Variants in KAT2B observed in about 807,000 individuals in gnomAD.
KAT2B encodes histone acetyltransferase KAT2B.
Under a neutral mutation model 105.9 loss-of-function variants are expected in KAT2B, and 36 were observed. The ratio of observed to expected loss-of-function variants is 0.34; its 90% CI spans 0.26 to 0.45. The LOEUF is 0.45. Among genes scored for constraint, KAT2B ranks in the 20% least tolerant of loss-of-function variants. The probability of loss-of-function intolerance (pLI) is 1.00; values close to 1 mark genes in which losing one functional copy is unlikely to be tolerated. For missense variants in KAT2B, 820 were observed against 1,021.6 expected, an observed-to-expected ratio of 0.80 and a Z score of 2.69; for synonymous variants, 397 against 377.9, an observed-to-expected ratio of 1.05 and a Z score of -0.59.
chr3:20,099,001 T>C (rs1417098295), intron 3 of KAT2B, among the ~76,000 whole-genome samples: 1 of 152,132 alleles, frequency 6.6e-6, no homozygotes, highest in Non-Finnish European at 1.5e-5. Context: ...AGATGTTACT[T>C]AAATAAATGT....
intron 13 of KAT2B, among the ~76,000 whole-genome samples, chr3:20,145,882 C>G (rs1699776672): frequency 6.6e-6 from 1 of 152,218 alleles, no homozygotes; most frequent in African/African-American, 2.4e-5. Context: ...GGCCCGTTTA[C>G]CTGCTTCTCT....
chr3:20,115,096 C>G (rs1272159286), intron 7 of KAT2B, 108 bp downstream of exon 7: 6 of 679,842 alleles, frequency 8.8e-6, no homozygotes, highest in Non-Finnish European at 1.6e-5. Flanking sequence ...ATGAGCTTAG[C>G]TCTATAGTCA....
At chr3:20,041,527 C>A (rs1263413422) in intron 1 of KAT2B, among the ~76,000 whole-genome samples, 3 of 152,238 alleles carry the variant, frequency 2.0e-5, no homozygotes, top group African/African-American at 7.2e-5. Context: ...TTGCTACCCA[C>A]TCTCCATGCC....
At chr3:20,040,808 G>A (rs1697700968) in intron 1 of KAT2B, 28 bp downstream of exon 1, 1 of 1,573,014 alleles carries the variant, frequency 6.4e-7, no homozygotes, top group Non-Finnish European at 8.6e-7. Context: ...TCGGACCGCG[G>A]ATGGGTGCTA....
At position 20,125,928 on chromosome 3, in the gene KAT2B, G is replaced by A. The variant is rs143548388; in HGVS notation, c.1437G>A (p.Ser479=). 18 of 1,613,686 alleles carry A rather than the reference G, an allele frequency of 1.1e-5. No individual in the cohort carries two copies. Among genetic ancestry groups the A allele is most frequent in the South Asian group, 7.7e-5 (7 of 91,060 alleles). The change falls in exon 10 of 18, where the codon TCG becomes TCA. Residue 479 remains serine (S), a synonymous_variant. Transcript: ENST00000263754. ...AGACCAATTTTCTGTCAGCACACTC[G>A]GCCAGGGATGAGGCGGCAAGGTTGG... is the stretch of plus-strand genomic sequence containing the variant. ...GPETNFLSAH[S]ARDEAARLEE...
chr3:20,116,383 A>G (rs1699207499), intron 7 of KAT2B, among the ~76,000 whole-genome samples: 1 of 152,124 alleles, frequency 6.6e-6, no homozygotes, highest in Admixed American at 6.6e-5. Flanking sequence ...CCAGACTTTC[A>G]TAGAGCCTTG....
rs538851963 is a variant in KAT2B, at chr3:20,137,528, C to T, written c.1860+476C>T. ...CATCTTTGCAGTTCCTTCCTTTCTC[C>T]GTTCCTCCCTTCCTTTTTTTTTTTT... On this transcript the variant is annotated intron_variant, in intron 12 of 17. Coordinates refer to ENST00000263754, the MANE Select transcript of KAT2B (RefSeq NM_003884.5). The T allele has an allele frequency of 6.0e-4, 90 of 150,030 alleles. 1 individual carries two copies. The South Asian group carries it at 0.016, about 27-fold the overall frequency. 9.3% of individuals were successfully genotyped at this position (150,030 alleles called of 1,614,324 possible). A position where few individuals can be genotyped will look rare whatever the true frequency, so the allele number is the denominator to read the frequency against.
At chr3:20,124,070 G>T (rs892807648) in intron 9 of KAT2B, among the ~76,000 whole-genome samples, 2 of 152,064 alleles carry the variant, frequency 1.3e-5, no homozygotes, top group African/African-American at 4.8e-5. Flanking sequence ...CCAGAATGTT[G>T]TAATAGAAAA....
intron 2 of KAT2B, among the ~76,000 whole-genome samples, chr3:20,077,572 C>T (rs1255739276): frequency 6.6e-6 from 1 of 152,068 alleles, no homozygotes; most frequent in Non-Finnish European, 1.5e-5. Context: ...AAAAACAATG[C>T]AGAATGTCTC....
At chr3:20,113,273 C>T (rs1699152179) in intron 6 of KAT2B, among the ~76,000 whole-genome samples, 1 of 152,154 alleles carries the variant, frequency 6.6e-6, no homozygotes, top group African/African-American at 2.4e-5. Flanking sequence ...TTACATTTGC[C>T]ATATAAGCAG....
At chr3:20,053,383 A>G (rs62243081) in intron 1 of KAT2B, among the ~76,000 whole-genome samples, 22,800 of 152,100 alleles carry the variant, frequency 0.15, 2,136 homozygotes, top group Middle Eastern at 0.22. Context: ...AAAAATACAA[A>G]AATTAGCTGG....
Position 20,137,065 on chromosome 3 carries a change from C to A in KAT2B, c.1860+13C>A. 7 of 1,217,250 alleles carry A rather than the reference C, an allele frequency of 5.8e-6. No individual in the cohort carries two copies. Among genetic ancestry groups the A allele is most frequent in the Non-Finnish European group, 8.6e-6 (7 of 818,350 alleles). 75.4% of individuals were successfully genotyped at this position (1,217,250 alleles called of 1,614,324 possible). A position where few individuals can be genotyped will look rare whatever the true frequency, so the allele number is the denominator to read the frequency against. ...CTTTAAGAAACAGGTTGGTTTCTCA[C>A]CACGCAACACTGTTTTGTCACTCCT... On this transcript the variant is annotated intron_variant, in intron 12 of 17. Transcript: ENST00000263754.
At chr3:20,098,435 G>A (rs1290170086) in intron 3 of KAT2B, among the ~76,000 whole-genome samples, 1 of 152,142 alleles carries the variant, frequency 6.6e-6, no homozygotes. Flanking sequence ...ACCTCAAAAG[G>A]TTGTAAGTAT....
chr3:20,126,882 A>G (rs539484005), intron 10 of KAT2B, among the ~76,000 whole-genome samples: 12 of 151,626 alleles, frequency 7.9e-5, no homozygotes, highest in African/African-American at 2.7e-4. Context: ...AATTGAATTT[A>G]TTTTAACATA....
At chr3:20,049,121 A>G (rs1437201881) in intron 1 of KAT2B, among the ~76,000 whole-genome samples, 1 of 152,034 alleles carries the variant, frequency 6.6e-6, no homozygotes, top group Non-Finnish European at 1.5e-5. Flanking sequence ...TGGCCTCTCA[A>G]AGTGCCGGGA....
intron 2 of KAT2B, among the ~76,000 whole-genome samples, chr3:20,094,758 G>A (rs1475315069): frequency 6.6e-6 from 1 of 152,136 alleles, no homozygotes; most frequent in Admixed American, 6.5e-5. Flanking sequence ...GAAGAAAAAG[G>A]CCTTCAGTCT....
intron 13 of KAT2B, among the ~76,000 whole-genome samples, chr3:20,142,876 T>TATATATATATAATTGGG (rs1226952309): frequency 4.0e-5 from 6 of 150,712 alleles, no homozygotes; most frequent in Admixed American, 6.7e-5. Flanking sequence ...TAATTGGGTA[T>TATATATATATAATTGGG]CTATGTGCCT....
intron 5 of KAT2B, among the ~76,000 whole-genome samples, chr3:20,103,009 T>C (rs1032048529): frequency 6.6e-6 from 1 of 152,238 alleles, no homozygotes; most frequent in Admixed American, 6.5e-5. Flanking sequence ...CCTCTCTTTC[T>C]CTTCACTTTT....
chr3:20,053,669 C>G (rs1697954794), intron 1 of KAT2B, among the ~76,000 whole-genome samples: 1 of 152,184 alleles, frequency 6.6e-6, no homozygotes, highest in South Asian at 2.1e-4. Flanking sequence ...ACTTAAAAAT[C>G]AATTGTATAT....
Sources: gnomAD v4.1 joint callset for allele counts (sites outside exome capture counted in the v4.1 genomes callset) on GRCh38, gnomAD v4.1.1 for gene constraint, MANE v1.5 for transcripts, NCBI Gene and HGNC (gene_info 2026-07-23, HGNC 2026-07-21) for gene names.